Variants in MCU observed in about 807,000 individuals in gnomAD.
MCU encodes the protein mitochondrial calcium uniporter, also known as calcium uniporter protein, mitochondrial.
Under a neutral mutation model 45.2 loss-of-function variants are expected in MCU, and 12 were observed. The ratio of observed to expected loss-of-function variants is 0.27; its 90% confidence interval spans 0.17 to 0.43. The LOEUF (loss-of-function observed/expected upper bound fraction) is 0.43, where lower values mean the gene tolerates loss of function less well. Ranked by LOEUF, MCU falls within the 20% of genes least tolerant of loss-of-function variation. The probability of loss-of-function intolerance (pLI) is 1.00; values close to 1 mark genes in which losing one functional copy is unlikely to be tolerated. For synonymous variants in MCU, 160 were observed against 165.1 expected, an observed-to-expected ratio of 0.97 and a Z score of 0.24; for missense variants, 324 against 436.7, an observed-to-expected ratio of 0.74 and a Z score of 2.30.
chr10:72,884,483 T>C (rs1845750142), intron 7 of MCU, 101 bp downstream of exon 7: 2 of 697,004 alleles, frequency 2.9e-6, no homozygotes, highest in African/African-American at 1.8e-5. Context: ...TGAAGGAATG[T>C]TCCAACCCTC....
At chr10:72,861,425 T>A (rs1331056156) in intron 4 of MCU, among the ~76,000 whole-genome samples, 3 of 151,858 alleles carry the variant, frequency 2.0e-5, no homozygotes, top group Non-Finnish European at 2.9e-5. Context: ...ATTGTTGGGT[T>A]TTTTTGTTTG....
chr10:72,772,101 G>A (rs1302015127), intron 1 of MCU, among the ~76,000 whole-genome samples: 3 of 152,218 alleles, frequency 2.0e-5, no homozygotes, highest in African/African-American at 7.2e-5. Flanking sequence ...GGGAGAAAAT[G>A]CCTGAGGACA....
At chr10:72,735,444 A>G (rs1180292930) in intron 1 of MCU, among the ~76,000 whole-genome samples, 1 of 152,184 alleles carries the variant, frequency 6.6e-6, no homozygotes, top group African/African-American at 2.4e-5. Flanking sequence ...GGAGGGTTTC[A>G]CTTGACAGCA....
chr10:72,693,395 A>G (rs1260658335), intron 1 of MCU, among the ~76,000 whole-genome samples: 1 of 152,134 alleles, frequency 6.6e-6, no homozygotes, highest in Non-Finnish European at 1.5e-5. Flanking sequence ...GTATAGTGTG[A>G]TTATTGGAGG....
At chr10:72,866,822 G>T (rs1048117322) in intron 4 of MCU, among the ~76,000 whole-genome samples, 2 of 151,878 alleles carry the variant, frequency 1.3e-5, no homozygotes, top group Non-Finnish European at 2.9e-5. Context: ...GTAGCTCCAG[G>T]CCTAGAAATC....
intron 1 of MCU, among the ~76,000 whole-genome samples, chr10:72,713,316 G>C (rs565499705): frequency 2.6e-5 from 4 of 151,368 alleles, no homozygotes; most frequent in African/African-American, 9.6e-5. Context: ...TCTCACTCTT[G>C]TTCTCTAGGC....
intron 2 of MCU, among the ~76,000 whole-genome samples, chr10:72,840,317 A>G (rs567468001): frequency 1.3e-5 from 2 of 152,314 alleles, no homozygotes; most frequent in Non-Finnish European, 2.9e-5. Flanking sequence ...GTGTTTATTA[A>G]CCATTCAGAT....
chr10:72,860,497 T>C lies in MCU; in HGVS notation c.466T>C (p.Leu156=), dbSNP rs980361373. The C allele has an allele frequency of 1.2e-6, 2 of 1,613,990 alleles. No individual in the cohort carries two copies. The highest frequency in any genetic ancestry group is 1.7e-6 in the Non-Finnish European group (2 of 1,179,922). ...LDDFKLVIND[L]TYHVRPPKRD... is the part of the protein sequence containing the mutation. ...TGACTTTAAGCTGGTCATTAATGAC[T>C]TAACATACCACGTACGACCACCAAA... The change falls in exon 4 of 8, where the codon TTA becomes CTA. Residue 156 remains leucine (L), a synonymous_variant. Coordinates refer to ENST00000373053, the MANE Select transcript of MCU (RefSeq NM_138357.3).
chr10:72,742,040 A>C (rs935441502), intron 1 of MCU, among the ~76,000 whole-genome samples: 39 of 151,072 alleles, frequency 2.6e-4, no homozygotes, highest in African/African-American at 4.2e-4. Context: ...AAAAAAAAAA[A>C]AAAAACAAAA....
At chr10:72,693,084 G>A in intron 1 of MCU, 1 of 1,535,928 alleles carries the variant, frequency 6.5e-7, no homozygotes, top group Non-Finnish European at 8.7e-7. Flanking sequence ...GTTGACAGAG[G>A]CAGAGATTTG....
chr10:72,883,255 A>T (rs1035806453), intron 6 of MCU, among the ~76,000 whole-genome samples: 2 of 152,326 alleles, frequency 1.3e-5, no homozygotes, highest in African/African-American at 2.4e-5. Context: ...GTCACAAGGT[A>T]TGGAGTTCTT....
At chr10:72,718,435 G>A (rs1842979957) in intron 1 of MCU, among the ~76,000 whole-genome samples, 2 of 152,126 alleles carry the variant, frequency 1.3e-5, no homozygotes, top group Non-Finnish European at 2.9e-5. Context: ...GCCTCCTTTG[G>A]GAATGATGTG....
intron 2 of MCU, among the ~76,000 whole-genome samples, chr10:72,852,334 G>T (rs1364179394): frequency 6.6e-6 from 1 of 152,142 alleles, no homozygotes; most frequent in Non-Finnish European, 1.5e-5. Context: ...TTACTATTTT[G>T]ACCTCTTCTT....
rs146705503 is a variant in MCU at position 72,823,010 on chromosome 10, A to G, written c.151-11349A>G. Among the ~76,000 whole-genome samples, 221 of 152,328 alleles carry G rather than the reference A, an allele frequency of 1.5e-3. 2 individuals are homozygous for G. Among genetic ancestry groups the G allele is most frequent in the African/African-American group, 4.9e-3 (202 of 41,578 alleles). ...CATGGGACCCCACAATTCTACTCCT[A>G]GATAGCTATCCAAGAAGAAGGAAAA... On this transcript the variant is annotated intron_variant, in intron 1 of 7. Coordinates refer to ENST00000373053, the MANE Select transcript of MCU (RefSeq NM_138357.3).
intron 1 of MCU, among the ~76,000 whole-genome samples, chr10:72,714,650 T>G (rs1188325163): frequency 6.6e-6 from 1 of 152,104 alleles, no homozygotes. Context: ...GTTAAAGCAA[T>G]TCTCCTGCCT....
At chr10:72,844,061 A>G (rs1470683255) in intron 2 of MCU, among the ~76,000 whole-genome samples, 1 of 152,048 alleles carries the variant, frequency 6.6e-6, no homozygotes, top group Non-Finnish European at 1.5e-5. Context: ...AGACCAGCCT[A>G]GGCAACTTGG....
At chr10:72,840,206 T>A (rs1277621339) in intron 2 of MCU, among the ~76,000 whole-genome samples, 2 of 152,224 alleles carry the variant, frequency 1.3e-5, no homozygotes, top group East Asian at 3.8e-4. Context: ...TTTGGTACAA[T>A]CAATCTTGAT....
intron 1 of MCU, among the ~76,000 whole-genome samples, chr10:72,824,621 A>G (rs930413334): frequency 6.6e-6 from 1 of 152,184 alleles, no homozygotes; most frequent in African/African-American, 2.4e-5. Context: ...CTTACAGTAA[A>G]TGGAAAAAGA....
At chr10:72,812,625 T>C (rs751627385) in intron 1 of MCU, among the ~76,000 whole-genome samples, 15 of 152,342 alleles carry the variant, frequency 9.8e-5, no homozygotes, top group South Asian at 2.1e-4. Flanking sequence ...TAATCTTTAG[T>C]ATTCATTATT....
Sources: allele counts gnomAD v4.1 joint callset (sites outside exome capture counted in the v4.1 genomes callset), GRCh38; gene constraint gnomAD v4.1.1; transcripts MANE v1.5; gene names NCBI Gene and HGNC (gene_info 2026-07-23, HGNC 2026-07-21).